Variants in NCKAP5 observed in about 807,000 individuals in gnomAD.
NCKAP5 encodes nck-associated protein 5.
A neutral mutation model predicts 167.0 loss-of-function variants in NCKAP5; 92 were observed. The ratio of observed to expected loss-of-function variants is 0.55; its 90% CI spans 0.47 to 0.66. NCKAP5 has a LOEUF of 0.66. NCKAP5 is among the 30% of genes least tolerant of loss of function. The pLI, the probability that NCKAP5 is intolerant of heterozygous loss-of-function variation, is 0.00. For synonymous variants in NCKAP5, 891 were observed against 877.4 expected (o/e 1.02, Z -0.27); for missense variants, 2,378 against 2,315.0 (o/e 1.03, Z -0.56).
chr2:133,440,797 A>G (rs908386969), intron 3 of NCKAP5, among the ~76,000 whole-genome samples: 2 of 151,628 alleles, frequency 1.3e-5, no homozygotes, highest in African/African-American at 2.4e-5. Flanking sequence ...GGGATCCTCC[A>G]TCAGACTGCC....
the NCKAP5 span, among the ~76,000 whole-genome samples, chr2:133,580,151 A>T: frequency 3.9e-5 from 6 of 152,140 alleles, no homozygotes; most frequent in Non-Finnish European, 7.4e-5. Context: ...GGAATTGTTT[A>T]CTCATCCATG....
At chr2:133,328,341 A>G (rs1427407514) in intron 3 of NCKAP5, among the ~76,000 whole-genome samples, 4 of 152,238 alleles carry the variant, frequency 2.6e-5, no homozygotes, top group Non-Finnish European at 4.4e-5. Context: ...CAGAATATAG[A>G]GAGAGTTGAC....
At position 132,850,852 on chromosome 2, in the gene NCKAP5, G is replaced by C. The variant is rs749196823; in HGVS notation, c.807+9640C>G. Among the ~76,000 whole-genome samples, 3 of 152,180 alleles carry C rather than the reference G, an allele frequency of 2.0e-5. No homozygotes were observed. In the South Asian group the frequency reaches 6.2e-4, roughly 32 times the overall value. The stretch of plus-strand genomic sequence containing the variant: ...AGGGCAGAGATTTATCAACCACAGA[G>C]TATGGCTGGAGGCAGTGGTGACATG... On this transcript the variant is annotated intron_variant, in intron 11 of 19. Transcript: ENST00000409261.
rs80114810 is a variant in NCKAP5, at chr2:133,235,261, G to A, written c.144-21482C>T. Among the ~76,000 whole-genome samples, 1,112 of 152,210 alleles carry A rather than the reference G, an allele frequency of 7.3e-3. 12 individuals carry two copies. Among genetic ancestry groups the A allele is most frequent in the African/African-American group, 0.026 (1,060 of 41,520 alleles). On this transcript the variant is annotated intron_variant, in intron 4 of 19. Coordinates refer to ENST00000409261, the MANE Select transcript of NCKAP5 (RefSeq NM_207363.3). ...TGCAGACTTGCACAGAGCAGTGAAA[G>A]TGTGAGTGACCAATGTGCACATTCC... is the stretch of plus-strand genomic sequence containing the variant.
chr2:133,398,889 A>G (rs1008254036), intron 3 of NCKAP5, among the ~76,000 whole-genome samples: 1 of 152,282 alleles, frequency 6.6e-6, no homozygotes, highest in African/African-American at 2.4e-5. Context: ...AACTTAGCCA[A>G]TCACAGGCAC....
At chr2:133,433,104 A>G (rs1026439507) in intron 3 of NCKAP5, among the ~76,000 whole-genome samples, 9 of 152,360 alleles carry the variant, frequency 5.9e-5, no homozygotes, top group African/African-American at 2.2e-4. Context: ...TCCCAGGCAT[A>G]CCAGCTATTA....
chr2:133,175,399 G>T (rs2084416872), intron 5 of NCKAP5, among the ~76,000 whole-genome samples: 1 of 151,926 alleles, frequency 6.6e-6, no homozygotes. Context: ...ATCCAGATTT[G>T]AGTCATAATT....
At chr2:133,072,476 T>C (rs2080448265) in intron 6 of NCKAP5, among the ~76,000 whole-genome samples, 1 of 152,096 alleles carries the variant, frequency 6.6e-6, no homozygotes, top group Non-Finnish European at 1.5e-5. Flanking sequence ...TGTCCCTGAG[T>C]GCAGACAATT....
rs2086714880 is a variant in NCKAP5, at chr2:133,222,858, G to A, written c.144-9079C>T. ...TATATATTTAGCTATAATCCTATTT[G>A]TTAGAACTTGTGCCTCTGTAGCTAC... On this transcript the variant is annotated intron_variant, in intron 4 of 19. Coordinates refer to ENST00000409261, the MANE Select transcript of NCKAP5 (RefSeq NM_207363.3). Among the ~76,000 whole-genome samples, 2 of 152,174 alleles carry A rather than the reference G, an allele frequency of 1.3e-5. 1 individual carries two copies.
the NCKAP5 span, among the ~76,000 whole-genome samples, chr2:133,653,776 A>T: frequency 1.3e-5 from 2 of 152,224 alleles, no homozygotes; most frequent in Non-Finnish European, 2.9e-5. Flanking sequence ...TAATTCAGCA[A>T]ATAAAATGCT....
intron 3 of NCKAP5, among the ~76,000 whole-genome samples, chr2:133,383,157 C>T (rs1686652924): frequency 1.3e-5 from 2 of 152,028 alleles, no homozygotes; most frequent in South Asian, 4.1e-4. Context: ...TATTGGTGTG[C>T]TGTACCCATT....
At chr2:132,811,540 C>T (rs1685865266) in intron 11 of NCKAP5, among the ~76,000 whole-genome samples, 1 of 152,020 alleles carries the variant, frequency 6.6e-6, no homozygotes, top group Admixed American at 6.6e-5. Context: ...GGAAAGCCGG[C>T]AGTCACAGGC....
intron 3 of NCKAP5, among the ~76,000 whole-genome samples, chr2:133,470,061 C>A (rs1045167425): frequency 1.3e-5 from 2 of 152,136 alleles, no homozygotes; most frequent in Admixed American, 6.5e-5. Flanking sequence ...TGAGGAACTG[C>A]GTTCCTTTGG....
intron 3 of NCKAP5, among the ~76,000 whole-genome samples, chr2:133,506,148 A>C (rs937525110): frequency 7.2e-5 from 11 of 152,202 alleles, no homozygotes; most frequent in African/African-American, 2.4e-4. Flanking sequence ...CACAACTTTT[A>C]TCAGGACTGT....
chr2:133,322,996 A>C (rs540301714), intron 3 of NCKAP5, among the ~76,000 whole-genome samples: 1 of 152,304 alleles, frequency 6.6e-6, no homozygotes, highest in South Asian at 2.1e-4. Context: ...TAGGGCCTCT[A>C]GGATTTTGAG....
At chr2:133,023,574 G>A (rs1405311621) in intron 6 of NCKAP5, among the ~76,000 whole-genome samples, 1 of 152,146 alleles carries the variant, frequency 6.6e-6, no homozygotes, top group Non-Finnish European at 1.5e-5. Context: ...TACCCAATGG[G>A]TAGTTTTTCA....
At chr2:132,870,921 T>G (rs1470251398) in intron 9 of NCKAP5, among the ~76,000 whole-genome samples, 2 of 152,158 alleles carry the variant, frequency 1.3e-5, no homozygotes, top group East Asian at 3.9e-4. Context: ...TCAGATTATC[T>G]GTAATTGATT....
chr2:133,411,297 C>T (rs887223283), intron 3 of NCKAP5, among the ~76,000 whole-genome samples: 8 of 152,132 alleles, frequency 5.3e-5, no homozygotes, highest in African/African-American at 1.9e-4. Context: ...GACAGAGAAA[C>T]ATCTGGAGCC....
chr2:132,735,526 A>G (rs1691427250), intron 16 of NCKAP5, among the ~76,000 whole-genome samples: 1 of 152,184 alleles, frequency 6.6e-6, no homozygotes, highest in South Asian at 2.1e-4. Context: ...CTGCAGAACC[A>G]TGAACCAGTT....
Sources: allele counts gnomAD v4.1 joint callset (sites outside exome capture counted in the v4.1 genomes callset), GRCh38; gene constraint gnomAD v4.1.1; transcripts MANE v1.5; gene names NCBI Gene and HGNC (gene_info 2026-07-23, HGNC 2026-07-21).